The following PC variants were observed in gnomAD, a reference collection of about 807,000 sequenced individuals.
The protein encoded by PC is pyruvate carboxylase, mitochondrial.
A neutral mutation model predicts 107.8 loss-of-function variants in PC; 46 were observed. That is an observed-to-expected ratio of 0.43 (90% confidence interval 0.34 to 0.55). The LOEUF (loss-of-function observed/expected upper bound fraction) is 0.55. Ranked by LOEUF, PC falls within the 20% of genes least tolerant of loss-of-function variation. The pLI is 0.04. For synonymous variants in PC, 662 were observed against 684.7 expected (o/e 0.97, Z 0.52); for missense variants, 1,241 against 1,643.1 (o/e 0.76, Z 4.23).
At chr11:66,903,420 G>A (rs1001569217) in intron 3 of PC, among the ~76,000 whole-genome samples, 4 of 151,948 alleles carry the variant, frequency 2.6e-5, no homozygotes, top group Admixed American at 6.6e-5. Flanking sequence ...TCATCCCTAC[G>A]GACTATAATT....
At chr11:66,924,790 GAC>G (rs1234966301) in intron 3 of PC, among the ~76,000 whole-genome samples, 1 of 152,148 alleles carries the variant, frequency 6.6e-6, no homozygotes, top group African/African-American at 2.4e-5. Flanking sequence ...TTGCAAACAA[GAC>G]AGACATGATC....
chr11:66,951,777 C>T (rs1949443918), intron 3 of PC, among the ~76,000 whole-genome samples: 1 of 151,890 alleles, frequency 6.6e-6, no homozygotes, highest in African/African-American at 2.4e-5. Flanking sequence ...GTAGTCCCAG[C>T]TACTCGGGAG....
At chr11:66,891,582 G>A (rs1026844271) in intron 3 of PC, among the ~76,000 whole-genome samples, 2 of 149,464 alleles carry the variant, frequency 1.3e-5, no homozygotes, top group African/African-American at 4.9e-5. Context: ...TAGTAGAGAC[G>A]GGTTTCACCA....
At chr11:66,912,034 G>GA (rs111723751) in intron 3 of PC, among the ~76,000 whole-genome samples, 9,359 of 151,212 alleles carry the variant, frequency 0.062, 321 homozygotes, top group Non-Finnish European at 0.086. Context: ...CAAGAAAAAA[G>GA]AAAGAAAAGA....
intron 3 of PC, among the ~76,000 whole-genome samples, chr11:66,878,535 G>T (rs951294044): frequency 9.9e-5 from 15 of 152,164 alleles, no homozygotes; most frequent in African/African-American, 3.1e-4. Flanking sequence ...ACATGTTGCC[G>T]CCCCCTCGGC....
intron 11 of PC, among the ~76,000 whole-genome samples, chr11:66,865,709 C>T (rs1017638504): frequency 2.0e-5 from 3 of 152,144 alleles, no homozygotes; most frequent in Non-Finnish European, 2.9e-5. Context: ...CCGCCATCTC[C>T]GACTCCCTCC....
At chr11:66,886,207 G>C (rs961526214) in intron 3 of PC, among the ~76,000 whole-genome samples, 3 of 151,830 alleles carry the variant, frequency 2.0e-5, no homozygotes, top group African/African-American at 4.8e-5. Context: ...GGGGAGGGAG[G>C]GGGGCAGGCA....
At chr11:66,884,653 C>A (rs528334561) in intron 3 of PC, among the ~76,000 whole-genome samples, 37 of 152,228 alleles carry the variant, frequency 2.4e-4, no homozygotes, top group African/African-American at 8.2e-4. Flanking sequence ...TGCCTGTGCC[C>A]CCCACACCCA....
intron 10 of PC, among the ~76,000 whole-genome samples, chr11:66,867,297 A>T (rs1816465135): frequency 6.6e-6 from 1 of 152,166 alleles, no homozygotes; most frequent in Non-Finnish European, 1.5e-5. Flanking sequence ...GAGGCAGGAG[A>T]ATCACTTGAA....
At chr11:66,939,105 C>T (rs1949064423) in intron 3 of PC, among the ~76,000 whole-genome samples, 1 of 152,178 alleles carries the variant, frequency 6.6e-6, no homozygotes, top group Admixed American at 6.6e-5. Flanking sequence ...ATGGTCAGCC[C>T]TCTGTATCTG....
intron 3 of PC, among the ~76,000 whole-genome samples, chr11:66,908,478 C>G (rs1321092431): frequency 6.6e-6 from 1 of 152,164 alleles, no homozygotes; most frequent in African/African-American, 2.4e-5. Context: ...CCACCCAGCT[C>G]AGTTCATTTA....
In PC at chr11:66,870,855, G is replaced by A. The variant is rs776322008; in HGVS notation, c.671C>T (p.Ala224Val). 1 of 1,613,546 alleles carries A rather than the reference G, an allele frequency of 6.2e-7. No individual in the cohort carries two copies. Among genetic ancestry groups the A allele is most frequent in the South Asian group, 1.1e-5 (1 of 91,084 alleles). Residue 224 changes from alanine (A) to valine (V), a missense_variant, in exon 8 of 23, where the codon GCT becomes GTT. Transcript: ENST00000393960. This position sits in a 1 kb window ranked among gnomAD's most constrained non-coding sequence, Gnocchi z 6.1. ...CGCCCCATTCCCAAAGGCGGCCAGAGCCTCTGAGTAGGCCCGGGTGTAATT... is the reference window on the plus strand; with the variant it reads ...CGCCCCATTCCCAAAGGCGGCCAGAACCTCTGAGTAGGCCCGGGTGTAATT... ...EENYTRAYSEALAAFGNGALF... is the reference protein window; with the variant it reads ...EENYTRAYSEVLAAFGNGALF...
intron 3 of PC, among the ~76,000 whole-genome samples, chr11:66,884,972 C>T (rs990284983): frequency 6.6e-6 from 1 of 152,184 alleles, no homozygotes; most frequent in African/African-American, 2.4e-5. Context: ...CCCACCCCTG[C>T]TGGAGAGCTT....
chr11:66,955,612 G>A (rs1949541489), intron 1 of PC, among the ~76,000 whole-genome samples: 1 of 152,154 alleles, frequency 6.6e-6, no homozygotes, highest in Non-Finnish European at 1.5e-5. Flanking sequence ...CAACTGTAGT[G>A]AACAAAGCCC....
chr11:66,852,710 G>A lies in PC; in HGVS notation c.1603+37C>T. The A allele has an allele frequency of 2.5e-6, 4 of 1,610,562 alleles. No individual in the cohort carries two copies. The highest frequency in any genetic ancestry group is 3.4e-6 in the Non-Finnish European group (4 of 1,177,206). ...CCCATCCTGCAGGTGGCAACCTCCT[G>A]TCTCCCCCATGAGTTGACAGAATGG... On this transcript the variant is annotated intron_variant, in intron 14 of 22. Transcript: ENST00000393960. The surrounding 1 kb of genome is among the most constrained non-coding windows in gnomAD (Gnocchi z 4.7).
chr11:66,927,499 A>T (rs1277138979), intron 3 of PC, among the ~76,000 whole-genome samples: 1 of 151,870 alleles, frequency 6.6e-6, no homozygotes, highest in Non-Finnish European at 1.5e-5. Context: ...AGGTGGGTGG[A>T]TTGCCTGAGG....
intron 3 of PC, among the ~76,000 whole-genome samples, chr11:66,950,047 A>C (rs1403487026): frequency 6.6e-6 from 1 of 152,194 alleles, no homozygotes; most frequent in Non-Finnish European, 1.5e-5. Context: ...TATACTTATT[A>C]TTAATGATTT....
chr11:66,864,795 G>A (rs1946422280), intron 11 of PC, among the ~76,000 whole-genome samples: 1 of 152,228 alleles, frequency 6.6e-6, no homozygotes, highest in Non-Finnish European at 1.5e-5. Flanking sequence ...ACCTGTTCGT[G>A]CCGCCCGAGT....
chr11:66,934,440 A>C (rs1296329798), intron 3 of PC: 1 of 154,056 alleles, frequency 6.5e-6, no homozygotes, highest in Non-Finnish European at 1.5e-5. Flanking sequence ...TGGTTTCCTC[A>C]TCTATAAAAT....
Sources: allele counts gnomAD v4.1 joint callset (sites outside exome capture counted in the v4.1 genomes callset), GRCh38; gene constraint gnomAD v4.1.1; non-coding constraint Gnocchi (gnomAD v3.1); transcripts MANE v1.5; gene names NCBI Gene and HGNC (gene_info 2026-07-23, HGNC 2026-07-21).